Variants in CDH3 observed in about 807,000 individuals in gnomAD.
CDH3 encodes cadherin-3.
CDH3 carries 54 observed loss-of-function variants against 82.0 expected under a neutral mutation model. The ratio of observed to expected loss-of-function variants is 0.66; its 90% confidence interval spans 0.53 to 0.83. The LOEUF is 0.83. CDH3 is among the 40% of genes least tolerant of loss of function. The probability of loss-of-function intolerance (pLI) is 0.00; values close to 1 mark genes in which losing one functional copy is unlikely to be tolerated. For synonymous variants in CDH3, 446 were observed against 437.9 expected, an observed-to-expected ratio of 1.02 and a Z score of -0.23; for missense variants, 1,054 against 1,084.6, an observed-to-expected ratio of 0.97 and a Z score of 0.40.
intron 1 of CDH3, among the ~76,000 whole-genome samples, chr16:68,720,988 A>G (rs1962156894): frequency 6.6e-6 from 1 of 152,082 alleles, no homozygotes; most frequent in Non-Finnish European, 1.5e-5. Flanking sequence ...TACCACTCCT[A>G]GATGGTAGGA....
Position 68,682,507 on chromosome 16 carries a change from A to G in CDH3, c.1182+20A>G. On this transcript the variant is annotated intron_variant, in intron 9 of 15. Transcript: ENST00000264012. ...AGGAAGGTGAGTCAGTTCGGGCCTC[A>G]GACAATGGCTATACCTGGGGCAGTC... is the stretch of plus-strand genomic sequence containing the variant. 1.9e-6 allele frequency: 3 copies of G among 1,612,646 alleles called. No individual in the cohort carries two copies. Among genetic ancestry groups the G allele is most frequent in the Non-Finnish European group, 2.5e-6 (3 of 1,178,786 alleles).
intron 2 of CDH3, among the ~76,000 whole-genome samples, chr16:68,666,411 A>G (rs1432686682): frequency 6.6e-6 from 1 of 152,138 alleles, no homozygotes; most frequent in African/African-American, 2.4e-5. Flanking sequence ...AGCTGCCCCA[A>G]GCTTGCTAGG....
chr16:68,687,816 G>T (rs368591309), intron 12 of CDH3, 80 bp downstream of exon 12: 6 of 964,986 alleles, frequency 6.2e-6, no homozygotes, highest in Non-Finnish European at 9.9e-6. Flanking sequence ...TTCTGCACAC[G>T]TTCCTATCCT....
intron 2 of CDH3, among the ~76,000 whole-genome samples, chr16:68,658,367 C>G (rs923696498): frequency 6.6e-6 from 1 of 151,988 alleles, no homozygotes; most frequent in African/African-American, 2.4e-5. Flanking sequence ...TTTCTCATCC[C>G]AAATGATGTG....
intron 2 of CDH3, among the ~76,000 whole-genome samples, chr16:68,661,143 G>C: frequency 6.6e-6 from 1 of 152,078 alleles, no homozygotes; most frequent in Non-Finnish European, 1.5e-5. Flanking sequence ...TTAATTTGGG[G>C]GATTTGCATT....
chr16:68,731,064 A>ATG (rs1962280751), downstream of CDH3, among the ~76,000 whole-genome samples: 1 of 120,188 alleles, frequency 8.3e-6, no homozygotes, highest in Admixed American at 9.5e-5. Flanking sequence ...ATATATATAT[A>ATG]TATATATATA....
intron 9 of CDH3, among the ~76,000 whole-genome samples, chr16:68,684,067 C>A (rs1292205166): frequency 3.5e-3 from 423 of 119,684 alleles, no homozygotes; most frequent in African/African-American, 3.6e-3. Context: ...ACTCCGTCTC[C>A]AAAAAAAAAA....
rs554558785 is a variant in CDH3, at chr16:68,707,840, C to T, written c.99+11917C>T. On this transcript the variant is annotated intron_variant, in intron 1 of 2. Transcript: ENST00000569080. The surrounding 1 kb of genome is among the most constrained non-coding windows in gnomAD (Gnocchi z 4.5). ...TGCCCAGCAAGCGGCAGGGGTGTGG[C>T]GGGCCGGGGAGGAATCTGAGAGGGG... 7.9e-4 allele frequency among the ~76,000 whole-genome samples: 119 copies of T among 149,790 alleles called. 1 individual carries two copies. Among genetic ancestry groups the T allele is most frequent in the African/African-American group, 2.7e-3 (109 of 40,912 alleles).
chr16:68,706,764 G>A (rs1243616525), intron 1 of CDH3, among the ~76,000 whole-genome samples: 1 of 151,918 alleles, frequency 6.6e-6, no homozygotes, highest in Non-Finnish European at 1.5e-5. Context: ...ATGTTGGTCA[G>A]GCTGGTCTCG....
intron 1 of CDH3, among the ~76,000 whole-genome samples, chr16:68,716,620 CAAAA>C (rs563385107): frequency 9.7e-6 from 1 of 103,194 alleles, no homozygotes; most frequent in Non-Finnish European, 1.8e-5. Context: ...GACTCCGGCT[CAAAA>C]AAAAAAAAAA....
chr16:68,733,304 G>A, the CDH3 span, among the ~76,000 whole-genome samples: 1 of 152,090 alleles, frequency 6.6e-6, no homozygotes, highest in Non-Finnish European at 1.5e-5. Flanking sequence ...AATATTTGTT[G>A]GGGAGATGGG....
downstream of CDH3, among the ~76,000 whole-genome samples, chr16:68,701,956 G>A (rs572887017): frequency 5.9e-5 from 9 of 152,002 alleles, no homozygotes; most frequent in South Asian, 1.5e-3. Context: ...CCCGGGAGGC[G>A]GAGGTTGCAG....
At chr16:68,715,685 C>T (rs1233690294) in intron 1 of CDH3, among the ~76,000 whole-genome samples, 1 of 152,210 alleles carries the variant, frequency 6.6e-6, no homozygotes, top group Non-Finnish European at 1.5e-5. Flanking sequence ...GAAGCCGCCC[C>T]ACTTCCTGCC....
Position 68,682,398 on chromosome 16 carries a change from A to G in CDH3, c.1093A>G (p.Thr365Ala), listed in dbSNP as rs778328354. Residue 365 changes from threonine to alanine, a missense_variant, in exon 9 of 16, where the codon ACC becomes GCC. Physicochemically the swap from Thr to Ala is moderately conservative, Grantham distance 58 (BLOSUM62 0). Coordinates refer to ENST00000264012, the MANE Select transcript of CDH3 (RefSeq NM_001793.6). The stretch of plus-strand genomic sequence containing the variant: ...CCCCAACTCACCAGCGTGGCGTGCC[A>G]CCTACCTTATCATGGGCGGTGACGA... ...DAPNSPAWRA[T>A]YLIMGGDDGD... 2.2e-5 allele frequency: 36 copies of G among 1,613,904 alleles called. No homozygotes were observed. In the East Asian group the frequency reaches 8.0e-4, roughly 36 times the overall value.
downstream of CDH3, among the ~76,000 whole-genome samples, chr16:68,704,031 A>G (rs1238424666): frequency 6.6e-6 from 1 of 152,110 alleles, no homozygotes; most frequent in Non-Finnish European, 1.5e-5. Flanking sequence ...TCACGCTTGT[A>G]ATCCCAGCAA....
intron 11 of CDH3, among the ~76,000 whole-genome samples, 158 bp downstream of exon 11, chr16:68,685,508 T>G (rs966395074): frequency 6.6e-6 from 1 of 152,202 alleles, no homozygotes; most frequent in African/African-American, 2.4e-5. Flanking sequence ...GAGGAGTCTT[T>G]TAAAGACTGG....
rs1961985708 is a variant in CDH3 at position 68,707,991 on chromosome 16, A to G, written c.99+12068A>G. On this transcript the variant is annotated intron_variant, in intron 1 of 2. Transcript: ENST00000569080. This position sits in a 1 kb window ranked among gnomAD's most constrained non-coding sequence, Gnocchi z 4.5. ...TGAGACCTCTGTGTGTCCTCCAGGA[A>G]CCTGACGACCCAGGCACTCCAGGAA... is the stretch of plus-strand genomic sequence containing the variant. 6.6e-6 allele frequency among the ~76,000 whole-genome samples: 1 copy of G among 151,978 alleles called. No individual in the cohort carries two copies. The highest frequency in any genetic ancestry group is 1.5e-5 in the Non-Finnish European group (1 of 67,980).
rs1961592783 is a variant in CDH3 at position 68,691,946 on chromosome 16, C to A, written c.2002+20C>A. ...TGCTGTGTGAGTACCAGGCCCCCAC[C>A]CCCTCCCTGAGGATGGGGGAGTTGA... On this transcript the variant is annotated intron_variant, in intron 13 of 15. Transcript: ENST00000264012. 6.3e-7 allele frequency: 1 copy of A among 1,597,200 alleles called. No individual in the cohort carries two copies. The highest frequency in any genetic ancestry group is 8.6e-7 in the Non-Finnish European group (1 of 1,166,836).
At position 68,698,323 on chromosome 16, in the gene CDH3, G is replaced by A; in HGVS notation, c.2413G>A (p.Asp805Asn). 6.2e-7 allele frequency: 1 copy of A among 1,614,212 alleles called. No homozygotes were observed. The highest frequency in any genetic ancestry group is 8.5e-7 in the Non-Finnish European group (1 of 1,180,016). Residue 805 changes from aspartate (D) to asparagine (N), a missense_variant, in exon 16 of 16, where the codon GAT (aspartate) becomes AAT (asparagine). By Grantham distance (23) the Asp-to-Asn change is conservative. Transcript: ENST00000264012. ...CTCCTCCGCCTCCGACCAAGACCAA[G>A]ATTACGATTATCTGAACGAGTGGGG... ...LTSSASDQDQ[D>N]YDYLNEWGSR...
Sources: gnomAD v4.1 joint callset for allele counts (sites outside exome capture counted in the v4.1 genomes callset) on GRCh38, gnomAD v4.1.1 for gene constraint, Gnocchi (gnomAD v3.1) non-coding constraint, MANE v1.5 for transcripts, NCBI Gene and HGNC (gene_info 2026-07-23, HGNC 2026-07-21) for gene names.